Variants in STK3 observed in about 807,000 individuals in gnomAD.
STK3 encodes the protein serine/threonine-protein kinase 3.
STK3 carries 41 observed loss-of-function variants against 58.0 expected under a neutral mutation model. The observed-to-expected ratio is 0.71, with a 90% CI of 0.55 to 0.92. The LOEUF is 0.92. Among genes scored for constraint, STK3 ranks in the 40% least tolerant of loss-of-function variants. STK3 has a pLI of 0.00. For synonymous variants in STK3, 170 were observed against 191.0 expected (o/e 0.89, Z 0.91); for missense variants, 479 against 602.7 (o/e 0.79, Z 2.15).
At chr8:98,873,151 G>A (rs1837441845) in intron 3 of STK3, among the ~76,000 whole-genome samples, 1 of 152,148 alleles carries the variant, frequency 6.6e-6, no homozygotes, top group Admixed American at 6.5e-5. Flanking sequence ...GAGCGGTTTT[G>A]AGTGAGTTTC....
chr8:98,477,446 C>T (rs1396380646), intron 10 of STK3, among the ~76,000 whole-genome samples: 1 of 151,896 alleles, frequency 6.6e-6, no homozygotes, highest in Non-Finnish European at 1.5e-5. Flanking sequence ...TTTCTCAACC[C>T]CAACTCCCTA....
At chr8:98,739,028 G>T (rs537023799) in intron 4 of STK3, among the ~76,000 whole-genome samples, 3 of 152,234 alleles carry the variant, frequency 2.0e-5, no homozygotes, top group African/African-American at 7.2e-5. Flanking sequence ...AGGCAGCGGC[G>T]AGGCTGGGGG....
At chr8:98,445,765 T>C (rs949586947) in intron 1 of STK3, among the ~76,000 whole-genome samples, 2 of 152,202 alleles carry the variant, frequency 1.3e-5, no homozygotes, top group African/African-American at 2.4e-5. Flanking sequence ...GCCAACTCTC[T>C]ACCTACCTCT....
intron 10 of STK3, among the ~76,000 whole-genome samples, chr8:98,481,330 C>T (rs2131280231): frequency 6.6e-6 from 1 of 151,950 alleles, no homozygotes; most frequent in East Asian, 1.9e-4. Context: ...TTCACAGTCG[C>T]AAAGATATGG....
At chr8:98,762,063 CT>C (rs1436550342) in intron 3 of STK3, among the ~76,000 whole-genome samples, 13 of 152,098 alleles carry the variant, frequency 8.5e-5, no homozygotes, top group African/African-American at 3.1e-4. Flanking sequence ...TATGACCTCC[CT>C]GGGAAAACTT....
chr8:98,926,242 T>C (rs11987297), intron 1 of STK3, among the ~76,000 whole-genome samples: 23,557 of 152,138 alleles, frequency 0.15, 2,055 homozygotes, highest in African/African-American at 0.24. Context: ...CTTGGGTTTC[T>C]TTTCGTGATA....
intron 10 of STK3, among the ~76,000 whole-genome samples, chr8:98,519,001 T>G (rs1825155373): frequency 6.6e-6 from 1 of 152,166 alleles, no homozygotes; most frequent in Non-Finnish European, 1.5e-5. Context: ...ATCTGAAATA[T>G]CTATAGTTGT....
At chr8:98,899,796 G>T (rs1170977124) in intron 1 of STK3, among the ~76,000 whole-genome samples, 1 of 152,132 alleles carries the variant, frequency 6.6e-6, no homozygotes, top group Non-Finnish European at 1.5e-5. Context: ...GCCAGTTAAC[G>T]TGTAGGAGGG....
intron 7 of STK3, among the ~76,000 whole-genome samples, chr8:98,593,735 T>C (rs920747398): frequency 2.6e-5 from 4 of 152,148 alleles, no homozygotes; most frequent in African/African-American, 4.8e-5. Context: ...ATGGAAAAAC[T>C]GTCTTCCATG....
At chr8:98,872,410 A>G (rs1837410835) in intron 3 of STK3, among the ~76,000 whole-genome samples, 1 of 152,198 alleles carries the variant, frequency 6.6e-6, no homozygotes, top group South Asian at 2.1e-4. Context: ...GTAGTTTCAG[A>G]AGGAATGGTA....
At chr8:98,673,903 G>C (rs575879919) in intron 6 of STK3, among the ~76,000 whole-genome samples, 2 of 152,244 alleles carry the variant, frequency 1.3e-5, no homozygotes, top group East Asian at 3.9e-4. Context: ...ACATAAACTG[G>C]TAAATATGTA....
intron 1 of STK3, among the ~76,000 whole-genome samples, chr8:98,784,857 G>A (rs1163239435): frequency 6.6e-6 from 1 of 152,136 alleles, no homozygotes; most frequent in Non-Finnish European, 1.5e-5. Flanking sequence ...TCCATGCCCA[G>A]GCAAATCTCC....
chr8:98,471,535 T>C (rs1279674211), intron 10 of STK3, among the ~76,000 whole-genome samples: 1 of 152,098 alleles, frequency 6.6e-6, no homozygotes, highest in African/African-American at 2.4e-5. Flanking sequence ...CAAAATCATC[T>C]AACGCAAAGC....
At chr8:98,563,324 T>C (rs2131642064) in intron 8 of STK3, among the ~76,000 whole-genome samples, 1 of 152,294 alleles carries the variant, frequency 6.6e-6, no homozygotes, top group African/African-American at 2.4e-5. Context: ...AGGACCCATC[T>C]AGAATAATAA....
At chr8:98,524,242 T>A (rs1378228286) in intron 10 of STK3, among the ~76,000 whole-genome samples, 3 of 152,250 alleles carry the variant, frequency 2.0e-5, no homozygotes, top group Non-Finnish European at 4.4e-5. Flanking sequence ...CACACTGTTT[T>A]GATTTCAGTA....
intron 6 of STK3, among the ~76,000 whole-genome samples, chr8:98,662,880 A>C (rs552861159): frequency 2.0e-5 from 3 of 152,088 alleles, no homozygotes; most frequent in Admixed American, 6.5e-5. Flanking sequence ...CTGTTAATTC[A>C]AGATGGATTA....
chr8:98,739,152 C>A (rs1272667243), intron 4 of STK3, among the ~76,000 whole-genome samples: 1 of 152,254 alleles, frequency 6.6e-6, no homozygotes, highest in Non-Finnish European at 1.5e-5. Context: ...TAGGCTCCAC[C>A]TCTGGGGGCA....
intron 1 of STK3, among the ~76,000 whole-genome samples, chr8:98,381,134 C>T (rs921460114): frequency 6.6e-6 from 1 of 151,948 alleles, no homozygotes; most frequent in African/African-American, 2.4e-5. Context: ...CCATGTCCGG[C>T]TAATTTTTGT....
At chr8:98,807,509 C>G (rs944205788) in intron 1 of STK3, among the ~76,000 whole-genome samples, 2 of 152,050 alleles carry the variant, frequency 1.3e-5, no homozygotes, top group Admixed American at 1.3e-4. Context: ...CCAGCCACCT[C>G]TGGCTCCCAA....
Sources: allele counts gnomAD v4.1 joint callset (sites outside exome capture counted in the v4.1 genomes callset), GRCh38; gene constraint gnomAD v4.1.1; transcripts MANE v1.5; gene names NCBI Gene and HGNC (gene_info 2026-07-23, HGNC 2026-07-21).